CSMD1: variants seen among roughly 807,000 people sequenced by gnomAD.
CSMD1 encodes CUB and Sushi multiple domains 1, also known as CUB and sushi domain-containing protein 1.
In CSMD1, 213 loss-of-function variants were observed where a neutral mutation model predicts 417.5. The observed-to-expected ratio is 0.51, with a 90% CI of 0.46 to 0.57. CSMD1 has a LOEUF of 0.57. Among genes scored for constraint, CSMD1 ranks in the 20% least tolerant of loss-of-function variants. The pLI, the probability that CSMD1 is intolerant of heterozygous loss-of-function variation, is 0.00. For missense variants in CSMD1, 6,923 were observed against 4,529.7 expected (o/e 1.53, Z -15.17); for synonymous variants, 2,862 against 1,736.8 (o/e 1.65, Z -16.11).
intron 3 of CSMD1, among the ~76,000 whole-genome samples, chr8:4,156,259 A>C (rs548454000): frequency 6.6e-6 from 1 of 152,208 alleles, no homozygotes; most frequent in Non-Finnish European, 1.5e-5. Context: ...CTAACTTTTT[A>C]ATTATGGCTA....
chr8:3,620,098 A>G (rs187398645), intron 7 of CSMD1, among the ~76,000 whole-genome samples: 85 of 152,232 alleles, frequency 5.6e-4, no homozygotes, highest in African/African-American at 2.0e-3. Context: ...CAAGGCTCCA[A>G]CTGAAGAAAA....
chr8:4,666,923 G>C (rs973346075), intron 1 of CSMD1, among the ~76,000 whole-genome samples: 1 of 151,818 alleles, frequency 6.6e-6, no homozygotes, highest in African/African-American at 2.4e-5. Context: ...TAAAAAAAAA[G>C]TTCTTTGCCT....
At chr8:4,807,444 G>A (rs927609882) in intron 1 of CSMD1, among the ~76,000 whole-genome samples, 1 of 152,110 alleles carries the variant, frequency 6.6e-6, no homozygotes, top group African/African-American at 2.4e-5. Flanking sequence ...AGACTCATGG[G>A]GCACACTTGA....
In CSMD1 at chr8:3,108,607, G is replaced by C; in HGVS notation, c.6750C>G (p.Phe2250Leu). Reference protein sequence around the residue: ...FSNGGFFVLNFHAFQLKKCQP... With the variant: ...FSNGGFFVLNLHAFQLKKCQP... The stretch of plus-strand genomic sequence containing the variant: ...ACGGAGTGAAAATCAACTGACCGTG[G>C]AAATTGAGGACAAAGAAGCCTCCAT... The change falls in exon 44 of 70, where the codon TTC becomes TTG. Residue 2250 changes from phenylalanine to leucine, a missense_variant. By Grantham distance (22) the Phe-to-Leu change is conservative (BLOSUM62 0). Transcript: ENST00000635120. 6.2e-7 allele frequency: 1 copy of C among 1,613,672 alleles called. No individual in the cohort carries two copies. Among genetic ancestry groups the C allele is most frequent in the Non-Finnish European group, 8.5e-7 (1 of 1,179,774 alleles).
chr8:4,374,565 C>A (rs1802598723), intron 3 of CSMD1, among the ~76,000 whole-genome samples: 1 of 152,004 alleles, frequency 6.6e-6, no homozygotes, highest in Non-Finnish European at 1.5e-5. Context: ...CTCACACTGT[C>A]CAGGAATGAG....
intron 3 of CSMD1, among the ~76,000 whole-genome samples, chr8:4,121,498 T>TAGTGAGA (rs1802485627): frequency 6.6e-6 from 1 of 152,146 alleles, no homozygotes; most frequent in African/African-American, 2.4e-5. Context: ...TTTCTCACTA[T>TAGTGAGA]AATAATATTA....
intron 1 of CSMD1, among the ~76,000 whole-genome samples, chr8:4,818,942 C>A (rs1025052963): frequency 1.3e-5 from 2 of 152,018 alleles, no homozygotes; most frequent in African/African-American, 4.8e-5. Context: ...ATTCCAAGAC[C>A]TGTAATTTAT....
At chr8:3,460,671 G>A (rs911113892) in intron 12 of CSMD1, among the ~76,000 whole-genome samples, 1 of 152,162 alleles carries the variant, frequency 6.6e-6, no homozygotes, top group Non-Finnish European at 1.5e-5. Flanking sequence ...GAAATTCGTG[G>A]AGAAAAAGAG....
At chr8:4,322,592 A>G (rs1231250659) in intron 3 of CSMD1, among the ~76,000 whole-genome samples, 1 of 152,232 alleles carries the variant, frequency 6.6e-6, no homozygotes, top group Non-Finnish European at 1.5e-5. Flanking sequence ...TTTCAACATA[A>G]AAGACATGTT....
chr8:3,580,363 G>A (rs944892750), intron 9 of CSMD1, among the ~76,000 whole-genome samples: 3 of 152,166 alleles, frequency 2.0e-5, no homozygotes, highest in Non-Finnish European at 2.9e-5. Flanking sequence ...GGCATTTGAC[G>A]AACGGCATAA....
intron 2 of CSMD1, among the ~76,000 whole-genome samples, chr8:4,549,215 G>A (rs911635885): frequency 2.6e-5 from 4 of 152,074 alleles, no homozygotes; most frequent in Non-Finnish European, 5.9e-5. Context: ...TCCATTGGCA[G>A]CAATGTAATG....
At chr8:3,681,207 G>A (rs1442105871) in intron 7 of CSMD1, among the ~76,000 whole-genome samples, 1 of 152,048 alleles carries the variant, frequency 6.6e-6, no homozygotes, top group East Asian at 1.9e-4. Context: ...GGCAGGAGAA[G>A]GAAATAAAGG....
chr8:3,718,473 A>G (rs961835837), intron 6 of CSMD1, among the ~76,000 whole-genome samples: 2 of 152,248 alleles, frequency 1.3e-5, no homozygotes, highest in African/African-American at 4.8e-5. Flanking sequence ...CTTTTGCACC[A>G]GGAAAGACAG....
At chr8:3,902,025 A>G (rs1200564240) in intron 5 of CSMD1, among the ~76,000 whole-genome samples, 1 of 151,982 alleles carries the variant, frequency 6.6e-6, no homozygotes, top group Non-Finnish European at 1.5e-5. Context: ...TATTCCATTT[A>G]TTATACGTTG....
chr8:4,201,265 G>A (rs1055857490), intron 3 of CSMD1, among the ~76,000 whole-genome samples: 10 of 152,150 alleles, frequency 6.6e-5, no homozygotes, highest in Non-Finnish European at 1.0e-4. Context: ...AGGGCCGGGC[G>A]CAGTGGCTCA....
chr8:4,768,851 G>T (rs937684488), intron 1 of CSMD1, among the ~76,000 whole-genome samples: 1 of 152,140 alleles, frequency 6.6e-6, no homozygotes, highest in Non-Finnish European at 1.5e-5. Context: ...GGAAGGGGAG[G>T]TGGCTGAGAC....
intron 25 of CSMD1, among the ~76,000 whole-genome samples, chr8:3,294,019 T>G (rs1262979132): frequency 9.2e-6 from 1 of 109,174 alleles, no homozygotes; most frequent in Non-Finnish European, 2.4e-5. Context: ...GGATGTCCTT[T>G]CTGTTTGTTA....
chr8:3,677,839 C>G (rs570178329), intron 7 of CSMD1, among the ~76,000 whole-genome samples: 23 of 152,232 alleles, frequency 1.5e-4, no homozygotes, highest in African/African-American at 5.5e-4. Flanking sequence ...CAATAACATT[C>G]TTTAACTCTA....
At chr8:3,293,659 C>T (rs1412369687) in intron 25 of CSMD1, among the ~76,000 whole-genome samples, 1 of 152,114 alleles carries the variant, frequency 6.6e-6, no homozygotes, top group Non-Finnish European at 1.5e-5. Context: ...AGTCCTCGTG[C>T]CTTGGTTTTC....
Sources: gnomAD v4.1 joint callset for allele counts (sites outside exome capture counted in the v4.1 genomes callset) on GRCh38, gnomAD v4.1.1 for gene constraint, MANE v1.5 for transcripts, NCBI Gene and HGNC (gene_info 2026-07-23, HGNC 2026-07-21) for gene names.